HCK: variants seen among roughly 807,000 people sequenced by gnomAD.
HCK encodes the protein HCK proto-oncogene, Src family tyrosine kinase.
Under a neutral mutation model 70.4 loss-of-function variants are expected in HCK, and 40 were observed. That is an observed-to-expected ratio of 0.57 (90% CI 0.44 to 0.74). The LOEUF (loss-of-function observed/expected upper bound fraction) is 0.74, where lower values mean the gene tolerates loss of function less well. HCK is among the 30% of genes least tolerant of loss of function. HCK has a pLI of 0.00. For synonymous variants in HCK, 245 were observed against 263.2 expected, an observed-to-expected ratio of 0.93 and a Z score of 0.67; for missense variants, 568 against 697.2, an observed-to-expected ratio of 0.81 and a Z score of 2.09.
At chr20:32,078,288 AC>A (rs1462009729) in intron 5 of HCK, among the ~76,000 whole-genome samples, 5 of 138,658 alleles carry the variant, frequency 3.6e-5, no homozygotes, top group Non-Finnish European at 7.9e-5. Flanking sequence ...CTCGTGATCC[AC>A]CCGCCTCGGC....
At chr20:32,077,788 T>G (rs2045648380) in intron 5 of HCK, among the ~76,000 whole-genome samples, 2 of 152,284 alleles carry the variant, frequency 1.3e-5, no homozygotes, top group Middle Eastern at 6.8e-3. Context: ...CCTCCCAAAG[T>G]GCTGGGATTA....
chr20:32,069,822 G>T (rs978175044), intron 1 of HCK: 25 of 1,165,792 alleles, frequency 2.1e-5, no homozygotes, highest in Non-Finnish European at 2.6e-5. Flanking sequence ...AGGAGTTTGG[G>T]GTTTTTTTCC....
chr20:32,071,570 C>CG, intron 1 of HCK, 92 bp from the exon 2 acceptor site: 1 of 1,534,846 alleles, frequency 6.5e-7, no homozygotes, highest in South Asian at 1.2e-5. Context: ...GGAGCCAGCC[C>CG]GGGGGCAGGG....
chr20:32,065,540 A>G (rs1275133836), intron 1 of HCK, among the ~76,000 whole-genome samples: 1 of 152,150 alleles, frequency 6.6e-6, no homozygotes, highest in Admixed American at 6.5e-5. Context: ...GCTTCACTCT[A>G]AAGCAGCTTT....
intron 1 of HCK, among the ~76,000 whole-genome samples, chr20:32,059,471 C>T (rs540039565): frequency 1.4e-5 from 2 of 144,776 alleles, no homozygotes; most frequent in African/African-American, 2.6e-5. Flanking sequence ...CTTCCTCCTC[C>T]TCCTCCTTCT....
chr20:32,083,706 G>A (rs2045738429), intron 6 of HCK, among the ~76,000 whole-genome samples, 188 bp from the exon 7 acceptor site: 1 of 152,204 alleles, frequency 6.6e-6, no homozygotes, highest in East Asian at 1.9e-4. Context: ...AGGTCTCACG[G>A]GTGGATGTGG....
At chr20:32,100,370 G>A (rs1220269850) in intron 12 of HCK, among the ~76,000 whole-genome samples, 1 of 152,194 alleles carries the variant, frequency 6.6e-6, no homozygotes, top group Non-Finnish European at 1.5e-5. Context: ...AGGTGATGAT[G>A]GTCTGGACAG....
In HCK at chr20:32,093,946, C is replaced by T. The variant is rs757041171; in HGVS notation, c.1176C>T (p.Ser392=). ...CTGCCAACATCTTGGTCTCTGCATC[C>T]CTGGTGTGTAAGATTGCTGACTTTG... Residue 392 remains serine, a synonymous_variant, in exon 11 of 13, where the codon TCC becomes TCT. Transcript: ENST00000375852. 1.9e-6 allele frequency: 3 copies of T among 1,613,956 alleles called. No homozygotes were observed. The highest frequency in any genetic ancestry group is 1.1e-5 in the South Asian group (1 of 91,066).
chr20:32,083,944 G>A lies in HCK; in HGVS notation c.583G>A (p.Val195Met), dbSNP rs765715998. 1.7e-5 allele frequency: 27 copies of A among 1,614,062 alleles called. No individual in the cohort carries two copies. Among genetic ancestry groups the A allele is most frequent in the South Asian group, 7.7e-5 (7 of 91,090 alleles). ...CTACGACCCTCGGCAGGGAGATACC[G>A]TGAAACATTACAAGATCCGGACCCT... The change falls in exon 7 of 13, where the codon GTG becomes ATG. Residue 195 changes from valine (V) to methionine (M), a missense_variant. By Grantham distance (21) the Val-to-Met change is conservative (BLOSUM62 1). Coordinates refer to ENST00000375852, the MANE Select transcript of HCK (RefSeq NM_002110.5).
At position 32,086,637 on chromosome 20, in the gene HCK, A is replaced by T; in HGVS notation, c.845A>T (p.Asn282Ile). ...CTCTATCCCCCTCCAGCCACCTACA[A>T]CAAGCACACCAAGGTGGCAGTGAAG... Residue 282 changes from asparagine to isoleucine, a missense_variant, in exon 9 of 13, where the codon AAC becomes ATC. Physicochemically the swap from Asn to Ile is moderately radical, Grantham distance 149. Around this residue, in one of 4 missense-constraint regions of HCK, gnomAD observed 160 missense variants for 237.5 expected, o/e 0.67. Coordinates refer to ENST00000375852, the MANE Select transcript of HCK (RefSeq NM_002110.5). 1 of 1,610,284 alleles carries T rather than the reference A, an allele frequency of 6.2e-7. No individual in the cohort carries two copies. The highest frequency in any genetic ancestry group is 8.5e-7 in the Non-Finnish European group (1 of 1,178,422).
chr20:32,076,173 A>T (rs1280227560), intron 5 of HCK, among the ~76,000 whole-genome samples: 2 of 152,102 alleles, frequency 1.3e-5, no homozygotes, highest in East Asian at 1.9e-4. Flanking sequence ...AAATACAAAA[A>T]AAATTAGCTG....
chr20:32,101,622 C>A lies in HCK; in HGVS notation c.*103C>A. The stretch of plus-strand genomic sequence containing the variant: ...ACACCCCCTTCCTACTCCCAGACAC[C>A]CACCCTCGCTTCAGCCACAGTTTCC... On this transcript the variant is annotated 3_prime_UTR_variant, in exon 13 of 13. Transcript: ENST00000375852. The A allele has an allele frequency of 2.2e-6, 2 of 914,480 alleles. No individual in the cohort carries two copies. Among genetic ancestry groups the A allele is most frequent in the Non-Finnish European group, 1.7e-6 (1 of 602,270 alleles). 56.6% of individuals were successfully genotyped at this position (914,480 alleles called of 1,614,324 possible).
At chr20:32,093,165 G>T (rs977941874) in intron 10 of HCK, among the ~76,000 whole-genome samples, 2 of 152,066 alleles carry the variant, frequency 1.3e-5, no homozygotes, top group African/African-American at 4.8e-5. Context: ...GGCTGGTCTC[G>T]AACTCCTGGC....
At chr20:32,090,999 C>T (rs2045856936) in intron 10 of HCK, among the ~76,000 whole-genome samples, 1 of 152,202 alleles carries the variant, frequency 6.6e-6, no homozygotes, top group Non-Finnish European at 1.5e-5. Context: ...GGGGATTCAT[C>T]TTCACATGAC....
intron 6 of HCK, 61 bp downstream of exon 6, chr20:32,079,938 C>A (rs1600727175): frequency 8.2e-7 from 1 of 1,217,732 alleles, no homozygotes; most frequent in Non-Finnish European, 1.2e-6. Flanking sequence ...GGGCTGGCCA[C>A]CACCCTTTCC....
In HCK at chr20:32,099,107, C is replaced by A. The variant is rs541906170; in HGVS notation, c.1350C>A (p.Ile450=). 67 of 1,613,990 alleles carry A rather than the reference C, an allele frequency of 4.2e-5. No individual in the cohort carries two copies. The highest frequency in any genetic ancestry group is 1.7e-4 in the Admixed American group (10 of 59,976). The change falls in exon 12 of 13, where the codon ATC becomes ATA. Residue 450 remains isoleucine, a synonymous_variant. Transcript: ENST00000375852. ...CCTTTGGTATCCTGCTGATGGAGAT[C>A]GTCACCTACGGCCGGATCCCTTACC... is the stretch of plus-strand genomic sequence containing the variant.
chr20:32,095,604 C>G (rs1180146135), intron 11 of HCK, among the ~76,000 whole-genome samples: 5 of 152,086 alleles, frequency 3.3e-5, no homozygotes, highest in Admixed American at 2.0e-4. Flanking sequence ...TTGGTGCCTA[C>G]AGCTGGTGGT....
At chr20:32,090,036 C>T (rs761097449) in intron 10 of HCK, among the ~76,000 whole-genome samples, 9 of 152,200 alleles carry the variant, frequency 5.9e-5, no homozygotes, top group Non-Finnish European at 1.2e-4. Context: ...TATGCAAATT[C>T]AGGGGCCCAG....
intron 1 of HCK, among the ~76,000 whole-genome samples, chr20:32,064,770 A>C (rs541041586): frequency 6.6e-6 from 1 of 152,344 alleles, no homozygotes; most frequent in East Asian, 1.9e-4. Context: ...TGAGTTTTCC[A>C]CAGCCAGCAT....
Sources: gnomAD v4.1 joint callset for allele counts (sites outside exome capture counted in the v4.1 genomes callset) on GRCh38, gnomAD v4.1.1 for gene constraint, gnomAD v4.1.1 regional missense constraint, MANE v1.5 for transcripts, NCBI Gene and HGNC (gene_info 2026-07-23, HGNC 2026-07-21) for gene names.